Variants in FNDC3B observed in about 807,000 individuals in gnomAD.
FNDC3B encodes the protein fibronectin type III domain-containing protein 3B.
Under a neutral mutation model 151.5 loss-of-function variants are expected in FNDC3B, and 12 were observed. The observed-to-expected ratio is 0.08, with a 90% CI of 0.05 to 0.13. The LOEUF (loss-of-function observed/expected upper bound fraction) is 0.13. Ranked by LOEUF, FNDC3B falls within the 10% of genes least tolerant of loss-of-function variation. FNDC3B has a pLI of 1.00. For synonymous variants in FNDC3B, 528 were observed against 549.0 expected, an observed-to-expected ratio of 0.96 and a Z score of 0.54; for missense variants, 1,214 against 1,505.3, an observed-to-expected ratio of 0.81 and a Z score of 3.20.
At chr3:172,046,082 G>C (rs1400827954) in intron 1 of FNDC3B, among the ~76,000 whole-genome samples, 1 of 152,100 alleles carries the variant, frequency 6.6e-6, no homozygotes, top group Non-Finnish European at 1.5e-5. Context: ...GCCAGTTGAA[G>C]ATCAGGGGAC....
At chr3:172,225,937 T>A (rs1726542111) in intron 3 of FNDC3B, 1 of 152,264 alleles carries the variant, frequency 6.6e-6, no homozygotes, top group South Asian at 2.1e-4. Flanking sequence ...GAAACAAATT[T>A]CTTGTTAATT....
At chr3:172,094,802 G>T (rs1251675703) in intron 1 of FNDC3B, among the ~76,000 whole-genome samples, 1 of 151,346 alleles carries the variant, frequency 6.6e-6, no homozygotes, top group Non-Finnish European at 1.5e-5. Context: ...AGAATCACTG[G>T]TCTGTGAGCG....
Position 172,397,159 on chromosome 3 carries a change from T to C in FNDC3B, c.3304-5T>C, listed in dbSNP as rs1193352351. ...TAATTAACTAGGACTCTTCTTTTCC[T>C]GAAGGTGTACAAGGGAGAAGAAGCC... On this transcript the variant is annotated splice_region_variant and splice_polypyrimidine_tract_variant and intron_variant, in intron 25 of 25. Coordinates refer to ENST00000415807, the MANE Select transcript of FNDC3B (RefSeq NM_022763.4). 1.9e-6 allele frequency: 3 copies of C among 1,590,058 alleles called. No homozygotes were observed. In the African/African-American group the frequency reaches 4.1e-5, roughly 22 times the overall value.
intron 3 of FNDC3B, among the ~76,000 whole-genome samples, chr3:172,159,210 C>T (rs1293244440): frequency 2.6e-5 from 4 of 152,292 alleles, no homozygotes; most frequent in African/African-American, 4.8e-5. Flanking sequence ...ACCTGGGAGG[C>T]GGAGGTTGCA....
At position 172,104,401 on chromosome 3, in the gene FNDC3B, G is replaced by GT. The variant is rs746523404; in HGVS notation, c.-28-8036dup. ...TCAGTGCTGGAGCCTGTCCACTATA[G>GT]TTTTTTTTTTTTTTTCCAAAGTTTT... On this transcript the variant is annotated intron_variant, in intron 1 of 25. Coordinates refer to ENST00000415807, the MANE Select transcript of FNDC3B (RefSeq NM_022763.4). 8.6e-3 allele frequency among the ~76,000 whole-genome samples: 1,167 copies of GT among 135,072 alleles called. 6 individuals carry two copies. The highest frequency in any genetic ancestry group is 0.02 in the Middle Eastern group (5 of 256). The allele number at this position is 135,072 out of a possible 152,430, so 88.6% of individuals were successfully genotyped here. A position where few individuals can be genotyped will look rare whatever the true frequency, so the allele number is the denominator to read the frequency against.
intron 24 of FNDC3B, 75 bp from the exon 25 acceptor site, chr3:172,380,891 C>A: frequency 6.6e-7 from 1 of 1,515,874 alleles, no homozygotes; most frequent in Admixed American, 1.7e-5. Flanking sequence ...TGGGTTCTCA[C>A]TAATAGTGCT....
intron 7 of FNDC3B, among the ~76,000 whole-genome samples, chr3:172,289,954 TTA>T (rs1257595091): frequency 1.3e-5 from 2 of 152,206 alleles, no homozygotes; most frequent in Admixed American, 1.3e-4. Flanking sequence ...GAGAAGTAAA[TTA>T]TATACTTGGA....
chr3:172,266,570 C>T (rs1190390015), intron 6 of FNDC3B, among the ~76,000 whole-genome samples: 1 of 152,210 alleles, frequency 6.6e-6, no homozygotes, highest in Non-Finnish European at 1.5e-5. Context: ...CAGGTGAAAT[C>T]AAGGTATTGG....
At chr3:172,293,664 G>A (rs890369405) in intron 7 of FNDC3B, among the ~76,000 whole-genome samples, 11 of 152,322 alleles carry the variant, frequency 7.2e-5, no homozygotes, top group African/African-American at 2.4e-4. Context: ...GCTACTGGGA[G>A]GTAGTGAGGC....
chr3:172,066,414 G>C (rs1400750236), intron 1 of FNDC3B, among the ~76,000 whole-genome samples: 1 of 152,180 alleles, frequency 6.6e-6, no homozygotes, highest in African/African-American at 2.4e-5. Context: ...ACTTTGGGAG[G>C]TAATATCTGC....
intron 9 of FNDC3B, among the ~76,000 whole-genome samples, chr3:172,303,700 T>C (rs751851949): frequency 5.3e-5 from 8 of 149,950 alleles, no homozygotes; most frequent in Non-Finnish European, 1.0e-4. Context: ...TGATGATATT[T>C]ATGGAAAACT....
intron 6 of FNDC3B, among the ~76,000 whole-genome samples, chr3:172,251,803 A>G (rs973595748): frequency 6.6e-6 from 1 of 152,186 alleles, no homozygotes; most frequent in Non-Finnish European, 1.5e-5. Context: ...AATATTTGAA[A>G]ATCTTTTCAT....
rs1443506127 is a variant in FNDC3B at position 172,251,530 on chromosome 3, C to T, written c.779C>T (p.Ser260Leu). ...AGAAGCAGCCCAAAGTCGAATGATT[C>T]AGACTTGCAAGGTAATACTCAAGAT... The part of the protein sequence containing the change: ...RARSSPKSND[S>L]DLQEYELEVK... The change falls in exon 6 of 26, where the codon TCA (serine) becomes TTA (leucine). Residue 260 changes from serine (S) to leucine (L), a missense_variant. Physicochemically the swap from Ser to Leu is moderately radical, Grantham distance 145 (BLOSUM62 -2). Around this residue, in one of 7 missense-constraint regions of FNDC3B, gnomAD observed 166 missense variants for 173.2 expected, o/e 0.96. Coordinates refer to ENST00000415807, the MANE Select transcript of FNDC3B (RefSeq NM_022763.4). The T allele has an allele frequency of 1.9e-6, 3 of 1,611,216 alleles. No homozygotes were observed. Among genetic ancestry groups the T allele is most frequent in the African/African-American group, 2.7e-5 (2 of 74,856 alleles).
At position 172,284,442 on chromosome 3, in the gene FNDC3B, G is replaced by A. The variant is rs78972197; in HGVS notation, c.791-1484G>A. On this transcript the variant is annotated intron_variant, in intron 6 of 25. Coordinates refer to ENST00000415807, the MANE Select transcript of FNDC3B (RefSeq NM_022763.4). ...GTAAGAAAGACCAGAAGTAAGCAAG[G>A]GAACAAATAAGAAAGATAGTTCTTT... is the stretch of plus-strand genomic sequence containing the variant. Among the ~76,000 whole-genome samples, 409 of 152,172 alleles carry A rather than the reference G, an allele frequency of 2.7e-3. 1 individual carries two copies. The highest frequency in any genetic ancestry group is 9.4e-3 in the African/African-American group (391 of 41,496).
intron 3 of FNDC3B, among the ~76,000 whole-genome samples, chr3:172,208,655 A>G (rs1725554388): frequency 6.6e-6 from 1 of 152,062 alleles, no homozygotes; most frequent in African/African-American, 2.4e-5. Context: ...TTCACCAGCC[A>G]GAAACCTCTG....
chr3:172,045,766 GTCTCTCTCTCTCTCTC>G (rs67916203), intron 1 of FNDC3B, among the ~76,000 whole-genome samples: 2 of 147,158 alleles, frequency 1.4e-5, no homozygotes, highest in African/African-American at 5.0e-5. Context: ...TTTACTGAGT[GTCTCTCTCTCTCTCTC>G]TCTCTCTCTC....
chr3:172,295,223 G>A, intron 7 of FNDC3B, 140 bp from the exon 8 acceptor site: 1 of 719,474 alleles, frequency 1.4e-6, no homozygotes, highest in South Asian at 2.3e-5. Flanking sequence ...CTTTGAAAGA[G>A]AGCACCATAT....
chr3:172,227,631 C>A (rs1726658620), intron 4 of FNDC3B, among the ~76,000 whole-genome samples: 1 of 152,200 alleles, frequency 6.6e-6, no homozygotes, highest in Non-Finnish European at 1.5e-5. Context: ...AGCCTCAGCA[C>A]AATATGCAAA....
chr3:172,111,311 G>T (rs1339255056), intron 1 of FNDC3B, among the ~76,000 whole-genome samples: 2 of 152,236 alleles, frequency 1.3e-5, no homozygotes, highest in African/African-American at 4.8e-5. Flanking sequence ...AATTGTAAAA[G>T]AATCTGTTTT....
Sources: allele counts gnomAD v4.1 joint callset (sites outside exome capture counted in the v4.1 genomes callset), GRCh38; gene constraint gnomAD v4.1.1; regional missense constraint gnomAD v4.1.1; transcripts MANE v1.5; gene names NCBI Gene and HGNC (gene_info 2026-07-23, HGNC 2026-07-21).